Variants in SESN1 observed in about 807,000 individuals in gnomAD.
SESN1 encodes sestrin-1.
A neutral mutation model predicts 59.3 loss-of-function variants in SESN1; 30 were observed. The ratio of observed to expected loss-of-function variants is 0.51; its 90% CI spans 0.38 to 0.69. SESN1 has a LOEUF of 0.69. SESN1 is among the 30% of genes least tolerant of loss of function. SESN1 has a pLI of 0.00. For missense variants in SESN1, 566 were observed against 673.0 expected (o/e 0.84, Z 1.76); for synonymous variants, 197 against 219.9 (o/e 0.90, Z 0.92).
chr6:109,055,661 C>CAAAAAAAAAA (rs577017689), intron 1 of SESN1, among the ~76,000 whole-genome samples: 1 of 51,282 alleles, frequency 1.9e-5, no homozygotes, highest in African/African-American at 5.6e-5. Flanking sequence ...GACTCCACCT[C>CAAAAAAAAAA]AAAAAAAAAA....
intron 1 of SESN1, among the ~76,000 whole-genome samples, chr6:109,018,311 T>C (rs567162586): frequency 6.6e-6 from 1 of 152,346 alleles, no homozygotes; most frequent in South Asian, 2.1e-4. Context: ...AAATAATGTC[T>C]CTCCCACCAT....
chr6:109,053,622 C>T (rs571508120), intron 1 of SESN1, among the ~76,000 whole-genome samples: 15 of 152,260 alleles, frequency 9.9e-5, no homozygotes, highest in Admixed American at 4.6e-4. Flanking sequence ...GAGGCTGGGC[C>T]AGTGAAAGCC....
intron 1 of SESN1, among the ~76,000 whole-genome samples, chr6:109,090,936 AT>A (rs983971886): frequency 1.2e-4 from 18 of 151,322 alleles, no homozygotes; most frequent in Non-Finnish European, 2.2e-4. Flanking sequence ...CACCCAGCTA[AT>A]TTTTTTTTCT....
At chr6:108,992,954 AT>A in intron 6 of SESN1, 55 bp from the exon 7 acceptor site, 1 of 1,176,316 alleles carries the variant, frequency 8.5e-7, no homozygotes, top group Non-Finnish European at 1.3e-6. Context: ...GTTAAAATTG[AT>A]TTTACCCAAA....
At chr6:109,080,942 T>C (rs575951212) in intron 1 of SESN1, among the ~76,000 whole-genome samples, 1 of 152,338 alleles carries the variant, frequency 6.6e-6, no homozygotes, top group Non-Finnish European at 1.5e-5. Context: ...TACCTTCAGA[T>C]TATGTGATAA....
chr6:109,036,117 C>T (rs1215592603), intron 1 of SESN1, among the ~76,000 whole-genome samples: 1 of 152,060 alleles, frequency 6.6e-6, no homozygotes, highest in African/African-American at 2.4e-5. Flanking sequence ...CCTTTTCCTA[C>T]CAAGGTACAC....
At chr6:109,017,364 C>A (rs1583273982) in intron 1 of SESN1, among the ~76,000 whole-genome samples, 3 of 152,282 alleles carry the variant, frequency 2.0e-5, no homozygotes, top group African/African-American at 7.2e-5. Flanking sequence ...TGGCTCACTG[C>A]AAGCTCCACT....
intron 1 of SESN1, among the ~76,000 whole-genome samples, chr6:109,081,908 A>C (rs1781128064): frequency 6.6e-6 from 1 of 152,238 alleles, no homozygotes; most frequent in Non-Finnish European, 1.5e-5. Context: ...CTGATAGGGC[A>C]GCTCTAATGT....
intron 1 of SESN1, among the ~76,000 whole-genome samples, chr6:109,036,411 T>C (rs1780248585): frequency 6.6e-6 from 1 of 152,202 alleles, no homozygotes; most frequent in African/African-American, 2.4e-5. Context: ...TTAACCATCA[T>C]TCTTTGCCTA....
chr6:109,066,123 A>G (rs1023952142), intron 1 of SESN1, among the ~76,000 whole-genome samples: 1 of 152,184 alleles, frequency 6.6e-6, no homozygotes, highest in African/African-American at 2.4e-5. Flanking sequence ...TTGACAGGTA[A>G]TAAAAAGCCT....
chr6:109,073,856 CAT>C (rs1167551683), intron 1 of SESN1, among the ~76,000 whole-genome samples: 2 of 152,146 alleles, frequency 1.3e-5, no homozygotes, highest in Non-Finnish European at 2.9e-5. Flanking sequence ...TTTTTAATGA[CAT>C]GTGTTTGGTC....
In SESN1 at chr6:109,035,548, GA is replaced by G. The variant is rs555690232; in HGVS notation, c.280-33206del. On this transcript the variant is annotated intron_variant, in intron 1 of 9. Coordinates refer to ENST00000436639, the MANE Select transcript of SESN1 (RefSeq NM_014454.3). ...CAAAGATGTGACTACCCGGCAGAGGGAAAAAAAAAAAGGAAAAGGAAAAGAA... is the reference window on the plus strand; with the variant it reads ...CAAAGATGTGACTACCCGGCAGAGGGAAAAAAAAAAGGAAAAGGAAAAGAA... Among the ~76,000 whole-genome samples the G allele has an allele frequency of 9.3e-4, 134 of 144,238 alleles. 1 individual carries two copies. The highest frequency in any genetic ancestry group is 2.2e-3 in the African/African-American group (85 of 39,360). The allele number at this position is 144,238 out of a possible 152,430, so 94.6% of individuals were successfully genotyped here. A position where few individuals can be genotyped will look rare whatever the true frequency, so the allele number is the denominator to read the frequency against.
chr6:108,984,334 T>C lies in SESN1; in HGVS notation c.*3210A>G, dbSNP rs1373447137. Among the ~76,000 whole-genome samples, 2 of 152,048 alleles carry C rather than the reference T, an allele frequency of 1.3e-5. No homozygotes were observed. Among genetic ancestry groups the C allele is most frequent in the African/African-American group, 4.8e-5 (2 of 41,296 alleles). On this transcript the variant is annotated 3_prime_UTR_variant, in exon 10 of 10. Coordinates refer to ENST00000436639, the MANE Select transcript of SESN1 (RefSeq NM_014454.3). ...TAATTTATAGATAACAGAAATTTAT[T>C]GCTCACAGTTTTGGAGGCTGGGAAG... is the stretch of plus-strand genomic sequence containing the variant.
intron 1 of SESN1, among the ~76,000 whole-genome samples, chr6:109,055,217 C>T (rs866852091): frequency 2.0e-5 from 3 of 152,110 alleles, no homozygotes; most frequent in Non-Finnish European, 2.9e-5. Context: ...TCCTTATCTC[C>T]GTTCAATTTA....
chr6:109,003,119 T>C (rs1265366580), intron 1 of SESN1, among the ~76,000 whole-genome samples: 2 of 151,982 alleles, frequency 1.3e-5, no homozygotes, highest in African/African-American at 4.8e-5. Context: ...TCCCTCACCC[T>C]CCCCATATAG....
At chr6:109,026,567 G>C (rs1057205130) in intron 1 of SESN1, among the ~76,000 whole-genome samples, 7 of 152,020 alleles carry the variant, frequency 4.6e-5, no homozygotes, top group African/African-American at 1.4e-4. Context: ...CGCAATCTCG[G>C]CTCACTGCAA....
At chr6:109,089,464 T>C (rs1781272549) in intron 1 of SESN1, among the ~76,000 whole-genome samples, 1 of 152,206 alleles carries the variant, frequency 6.6e-6, no homozygotes, top group Non-Finnish European at 1.5e-5. Flanking sequence ...ATGTGGAGGA[T>C]AGATATAAAA....
At chr6:109,086,306 C>G (rs1781212393) in intron 1 of SESN1, among the ~76,000 whole-genome samples, 1 of 152,128 alleles carries the variant, frequency 6.6e-6, no homozygotes, top group Non-Finnish European at 1.5e-5. Context: ...CAGCCAAGAT[C>G]ATGCCACTGC....
intron 1 of SESN1, among the ~76,000 whole-genome samples, chr6:109,071,422 G>A (rs1428491926): frequency 6.6e-6 from 1 of 151,078 alleles, no homozygotes; most frequent in African/African-American, 2.4e-5. Context: ...AGAGATGAAG[G>A]TCCTTTTATC....
Sources: gnomAD v4.1 joint callset for allele counts (sites outside exome capture counted in the v4.1 genomes callset) on GRCh38, gnomAD v4.1.1 for gene constraint, MANE v1.5 for transcripts, NCBI Gene and HGNC (gene_info 2026-07-23, HGNC 2026-07-21) for gene names.